PRKD3: variants seen among roughly 807,000 people sequenced by gnomAD.
PRKD3 encodes serine/threonine-protein kinase D3.
A neutral mutation model predicts 99.2 loss-of-function variants in PRKD3; 47 were observed. The ratio of observed to expected loss-of-function variants is 0.47; its 90% CI spans 0.38 to 0.60. The LOEUF is 0.60. Ranked by LOEUF, PRKD3 falls within the 20% of genes least tolerant of loss-of-function variation. The pLI is 0.00. For synonymous variants in PRKD3, 392 were observed against 355.4 expected (o/e 1.10, Z -1.16); for missense variants, 1,019 against 1,088.4 (o/e 0.94, Z 0.90).
chr2:37,310,922 T>C (rs191852568), intron 2 of PRKD3, among the ~76,000 whole-genome samples: 20 of 152,348 alleles, frequency 1.3e-4, no homozygotes, highest in East Asian at 3.9e-4. Context: ...ACTACACGTC[T>C]GTCCAGTTAA....
At chr2:37,302,453 T>C (rs1265096969) in intron 2 of PRKD3, among the ~76,000 whole-genome samples, 1 of 152,224 alleles carries the variant, frequency 6.6e-6, no homozygotes, top group Non-Finnish European at 1.5e-5. Context: ...TCTATAACCA[T>C]TTTAGACGTT....
At chr2:37,295,476 A>T (rs1240565705) in intron 2 of PRKD3, among the ~76,000 whole-genome samples, 2 of 152,128 alleles carry the variant, frequency 1.3e-5, no homozygotes, top group Non-Finnish European at 2.9e-5. Flanking sequence ...GAGACTAAAG[A>T]ATGAGATGGG....
intron 14 of PRKD3, among the ~76,000 whole-genome samples, chr2:37,260,588 G>C (rs923155481): frequency 5.3e-5 from 8 of 152,102 alleles, no homozygotes; most frequent in Admixed American, 2.0e-4. Context: ...CCGCACTGAG[G>C]GGATAGAATG....
chr2:37,272,395 C>G lies in PRKD3; in HGVS notation c.1689G>C (p.Gln563His), dbSNP rs1297758706. 6.2e-7 allele frequency: 1 copy of G among 1,606,818 alleles called. No individual in the cohort carries two copies. Among genetic ancestry groups the G allele is most frequent in the Non-Finnish European group, 8.5e-7 (1 of 1,177,868 alleles). Residue 563 changes from glutamine (Q) to histidine (H), a missense_variant, in exon 12 of 19, where the codon CAG (glutamine) becomes CAC (histidine). Transcript: ENST00000234179. ...LSTSISVSNC[Q>H]IQENVDISTV... ...GATTACTTACCACATTCTCCTGAATCTGACAATTAGATACAGAGATACTTG... is the reference window on the plus strand; with the variant it reads ...GATTACTTACCACATTCTCCTGAATGTGACAATTAGATACAGAGATACTTG...
rs1160081092 is a variant in PRKD3, at chr2:37,282,638, G to T, written c.911-19C>A. 5.2e-6 allele frequency: 8 copies of T among 1,529,396 alleles called. No homozygotes were observed. The highest frequency in any genetic ancestry group is 7.2e-6 in the Non-Finnish European group (8 of 1,104,342). The allele number at this position is 1,529,396 out of a possible 1,614,324, so 94.7% of individuals were successfully genotyped here. A position where few individuals can be genotyped will look rare whatever the true frequency, so the allele number is the denominator to read the frequency against. ...TTGCAATCTAAAATGAAAATATTCA[G>T]CATATTAATTTATGTAAAAGTCAAG... On this transcript the variant is annotated intron_variant, in intron 6 of 18. Transcript: ENST00000234179.
chr2:37,280,008 C>A, intron 7 of PRKD3, 79 bp from the exon 8 acceptor site: 2 of 894,360 alleles, frequency 2.2e-6, no homozygotes, highest in East Asian at 2.9e-5. Context: ...TCTTAAGAGT[C>A]TTAAAATGTA....
chr2:37,302,718 A>T (rs1285077337), intron 2 of PRKD3, among the ~76,000 whole-genome samples: 1 of 151,924 alleles, frequency 6.6e-6, no homozygotes, highest in African/African-American at 2.4e-5. Context: ...ATCACTATGA[A>T]CTTTTAATTT....
At chr2:37,324,514 G>C (rs1217542113) in intron 1 of PRKD3, 167 bp downstream of exon 1, 1 of 146,770 alleles carries the variant, frequency 6.8e-6, no homozygotes, top group Non-Finnish European at 1.5e-5. Context: ...CGCGGGGTCC[G>C]AGTCCTGTCG....
intron 2 of PRKD3, among the ~76,000 whole-genome samples, chr2:37,304,543 C>T (rs1475277030): frequency 1.3e-5 from 2 of 151,990 alleles, no homozygotes; most frequent in Admixed American, 1.3e-4. Context: ...GAGTTTGAGA[C>T]CAGCCTGGCC....
Position 37,260,406 on chromosome 2 carries a change from C to T in PRKD3, c.1885-22G>A, listed in dbSNP as rs370682587. On this transcript the variant is annotated intron_variant, in intron 14 of 18. Coordinates refer to ENST00000234179, the MANE Select transcript of PRKD3 (RefSeq NM_005813.6). Reference sequence around the variant, plus strand: ...AATTCTGAAGAGAGGTTGCAAGATACATGAGCAACTTAAGCAGAGAAACAG... The same window carrying T: ...AATTCTGAAGAGAGGTTGCAAGATATATGAGCAACTTAAGCAGAGAAACAG... 8.8e-6 allele frequency: 14 copies of T among 1,591,176 alleles called. No individual in the cohort carries two copies. In the African/African-American group the frequency reaches 1.3e-4, roughly 15 times the overall value.
At chr2:37,294,636 CAG>C (rs1465819158) in intron 2 of PRKD3, among the ~76,000 whole-genome samples, 1 of 151,928 alleles carries the variant, frequency 6.6e-6, no homozygotes, top group Non-Finnish European at 1.5e-5. Flanking sequence ...AGTAAAAATA[CAG>C]AACCAAAAAA....
At chr2:37,324,548 G>A (rs1052379440) in intron 1 of PRKD3, 133 bp downstream of exon 1, 1 of 151,412 alleles carries the variant, frequency 6.6e-6, no homozygotes, top group African/African-American at 2.4e-5. Flanking sequence ...GTGCAGTTGG[G>A]GGGTTGGGGG....
Position 37,318,835 on chromosome 2 carries a change from C to T in PRKD3, c.-655-1656G>A, listed in dbSNP as rs575898748. On this transcript the variant is annotated intron_variant, in intron 1 of 18. Coordinates refer to ENST00000234179, the MANE Select transcript of PRKD3 (RefSeq NM_005813.6). ...TCAAAAAGACAGATATAATCATGGC[C>T]TGGAGATTTGTAGAGCGGTTTCAAG... Among the ~76,000 whole-genome samples the T allele has an allele frequency of 3.9e-5, 6 of 152,200 alleles. No homozygotes were observed. In the South Asian group the frequency reaches 1.2e-3, roughly 32 times the overall value.
In PRKD3 at chr2:37,252,990, AC is replaced by A. The variant is rs199814421; in HGVS notation, c.*186del. The A allele has an allele frequency of 0.027, 12,717 of 474,898 alleles. 238 individuals are homozygous for A. The highest frequency in any genetic ancestry group is 0.04 in the Middle Eastern group (70 of 1,756). 29.4% of individuals were successfully genotyped at this position (474,898 alleles called of 1,614,324 possible). On this transcript the variant is annotated 3_prime_UTR_variant, in exon 19 of 19. Coordinates refer to ENST00000234179, the MANE Select transcript of PRKD3 (RefSeq NM_005813.6). ...AAAGCTTCACCTTGATTCCATTATGACTTCTTATTATTCAGTTTCCCGCCTG... is the reference window on the plus strand; with the variant it reads ...AAAGCTTCACCTTGATTCCATTATGATTCTTATTATTCAGTTTCCCGCCTG...
At position 37,290,966 on chromosome 2, in the gene PRKD3, G is replaced by C; in HGVS notation, c.461C>G (p.Pro154Arg). The C allele has an allele frequency of 1.2e-6, 2 of 1,608,328 alleles. No homozygotes were observed. Among genetic ancestry groups the C allele is most frequent in the Non-Finnish European group, 1.7e-6 (2 of 1,175,730 alleles). Residue 154 changes from proline to arginine, a missense_variant, in exon 4 of 19, where the codon CCA (proline) becomes CGA (arginine). Pro to Arg is a moderately radical substitution (Grantham distance 103, BLOSUM62 -2). This residue lies in a region of PRKD3 where 710 missense variants were observed against 692.7 expected (regional missense o/e 1.02). Coordinates refer to ENST00000234179, the MANE Select transcript of PRKD3 (RefSeq NM_005813.6). ...LATVEDFQIRPHTLYVHSYKA... is the reference protein window; with the variant it reads ...LATVEDFQIRRHTLYVHSYKA... ...GTAAGAATGTACATAGAGAGTATGT[G>C]GACGAATCTGGAAGTCTTCTACTGT... is the stretch of plus-strand genomic sequence containing the variant.
At chr2:37,280,054 C>CTTTTT in intron 7 of PRKD3, 125 bp from the exon 8 acceptor site, 2 of 463,680 alleles carry the variant, frequency 4.3e-6, no homozygotes, top group Non-Finnish European at 7.1e-6. Flanking sequence ...AAGTATTTCT[C>CTTTTT]TTTTTTTTTT....
chr2:37,310,274 G>C (rs758688909), intron 2 of PRKD3, among the ~76,000 whole-genome samples: 44 of 152,314 alleles, frequency 2.9e-4, no homozygotes, highest in Admixed American at 8.5e-4. Context: ...AAACCACTAA[G>C]ATCAGATTAA....
At chr2:37,316,163 A>T in intron 2 of PRKD3, 74 bp downstream of exon 2, 1 of 1,407,170 alleles carries the variant, frequency 7.1e-7, no homozygotes, top group Non-Finnish European at 9.8e-7. Context: ...GTCTTAACTC[A>T]CTGGTACACG....
At chr2:37,256,627 AATTTTTTT>A in intron 17 of PRKD3, 27 bp downstream of exon 17, 8 of 1,247,316 alleles carry the variant, frequency 6.4e-6, no homozygotes, top group East Asian at 2.7e-5. Flanking sequence ...ACATAGCCAA[AATTTTTTT>A]TTTTTTTTTT....
Sources: gnomAD v4.1 joint callset for allele counts (sites outside exome capture counted in the v4.1 genomes callset) on GRCh38, gnomAD v4.1.1 for gene constraint, gnomAD v4.1.1 regional missense constraint, MANE v1.5 for transcripts, NCBI Gene and HGNC (gene_info 2026-07-23, HGNC 2026-07-21) for gene names.